ENTPD3: variants seen among roughly 807,000 people sequenced by gnomAD.
ENTPD3 encodes ectonucleoside triphosphate diphosphohydrolase 3, also known as CD39 antigen-like 3.
ENTPD3 carries 60 observed loss-of-function variants against 51.2 expected under a neutral mutation model. The observed-to-expected ratio is 1.17, with a 90% CI of 0.95 to 1.45. ENTPD3 has a LOEUF of 1.45. Among genes scored for constraint, ENTPD3 ranks in the 40% most tolerant of loss-of-function variants. ENTPD3 has a pLI of 0.00. For missense variants in ENTPD3, 593 were observed against 641.1 expected, an observed-to-expected ratio of 0.93 and a Z score of 0.81; for synonymous variants, 221 against 238.4, an observed-to-expected ratio of 0.93 and a Z score of 0.67.
intron 7 of ENTPD3, among the ~76,000 whole-genome samples, chr3:40,421,922 A>G (rs1002422820): frequency 6.6e-6 from 1 of 152,184 alleles, no homozygotes; most frequent in African/African-American, 2.4e-5. Flanking sequence ...CTGCAAGTGG[A>G]TGAGAAGGAG....
At chr3:40,420,245 T>C (rs1037545719) in intron 7 of ENTPD3, among the ~76,000 whole-genome samples, 4 of 147,248 alleles carry the variant, frequency 2.7e-5, no homozygotes, top group African/African-American at 9.8e-5. Flanking sequence ...TTTTTTCTTT[T>C]TTTTTTTGGA....
chr3:40,414,939 C>T (rs1014047821), intron 6 of ENTPD3, 99 bp downstream of exon 6: 2 of 1,197,842 alleles, frequency 1.7e-6, no homozygotes, highest in Non-Finnish European at 2.4e-6. Flanking sequence ...GGATATCTGC[C>T]CTGTATCACT....
rs751611255 is a variant in ENTPD3, at chr3:40,416,008, A to G, written c.766A>G (p.Thr256Ala). 2.3e-5 allele frequency: 37 copies of G among 1,614,088 alleles called. No individual in the cohort carries two copies. The highest frequency in any genetic ancestry group is 3.1e-5 in the Non-Finnish European group (37 of 1,180,000). The change falls in exon 7 of 11, where the codon ACA becomes GCA. Residue 256 changes from threonine to alanine, a missense_variant. Thr to Ala is a moderately conservative substitution (Grantham distance 58). Transcript: ENST00000301825. The part of the protein sequence containing the change: ...SLYGYVYTLY[T>A]HSFQCYGRNE... ...GTATGGCTACGTATACACGCTCTAC[A>G]CACACAGCTTCCAGTGCTATGGCCG...
chr3:40,398,210 TG>T (rs1431590693), intron 3 of ENTPD3, among the ~76,000 whole-genome samples: 1 of 152,104 alleles, frequency 6.6e-6, no homozygotes, highest in East Asian at 1.9e-4. Flanking sequence ...GAGTTACAAA[TG>T]AGAATGGATA....
intron 7 of ENTPD3, among the ~76,000 whole-genome samples, chr3:40,422,582 C>G (rs1254437912): frequency 6.9e-6 from 1 of 144,800 alleles, no homozygotes; most frequent in African/African-American, 2.5e-5. Flanking sequence ...TGTTCAATTC[C>G]CATCTATGAG....
intron 10 of ENTPD3, among the ~76,000 whole-genome samples, chr3:40,424,542 G>C (rs935261578): frequency 5.3e-5 from 8 of 151,996 alleles, no homozygotes; most frequent in African/African-American, 1.7e-4. Flanking sequence ...TCTTAGCTCA[G>C]GGTTTAATAT....
Position 40,415,884 on chromosome 3 carries a change from C to T in ENTPD3, c.642C>T (p.Thr214=). 1.9e-6 allele frequency: 3 copies of T among 1,614,088 alleles called. No homozygotes were observed. Among genetic ancestry groups the T allele is most frequent in the Non-Finnish European group, 2.5e-6 (3 of 1,180,002 alleles). Residue 214 remains threonine, a synonymous_variant, in exon 7 of 11, where the codon ACC becomes ACT. Coordinates refer to ENST00000301825, the MANE Select transcript of ENTPD3 (RefSeq NM_001248.4). ...HMWVHPHGVE[T]TGALDLGGAS... ...GGGTGCACCCGCATGGAGTGGAAACCACGGGTGCCCTGGACTTAGGTGGTG... is the reference window on the plus strand; with the variant it reads ...GGGTGCACCCGCATGGAGTGGAAACTACGGGTGCCCTGGACTTAGGTGGTG...
chr3:40,412,373 T>C (rs763670942), intron 5 of ENTPD3, among the ~76,000 whole-genome samples: 2 of 152,228 alleles, frequency 1.3e-5, no homozygotes, highest in Non-Finnish European at 2.9e-5. Context: ...CACTGAAATC[T>C]GCTTTAAAAC....
intron 4 of ENTPD3, among the ~76,000 whole-genome samples, chr3:40,411,135 C>T (rs531309994): frequency 6.6e-6 from 1 of 151,322 alleles, no homozygotes; most frequent in East Asian, 1.9e-4. Context: ...TATAAAAAAA[C>T]CAAAAATTAG....
chr3:40,402,117 T>TA (rs1955373248), intron 4 of ENTPD3, among the ~76,000 whole-genome samples: 1 of 58,622 alleles, frequency 1.7e-5, no homozygotes, highest in East Asian at 3.8e-4. Context: ...TTTCCTTTTT[T>TA]TTTTTCTTTT....
At chr3:40,411,683 C>T in intron 4 of ENTPD3, 129 bp from the exon 5 acceptor site, 2 of 792,448 alleles carry the variant, frequency 2.5e-6, no homozygotes, top group Non-Finnish European at 3.9e-6. Flanking sequence ...GGACTTACCA[C>T]ATCCAGCTGT....
chr3:40,425,936 C>T (rs924634262), intron 10 of ENTPD3, among the ~76,000 whole-genome samples: 11 of 147,498 alleles, frequency 7.5e-5, no homozygotes, highest in East Asian at 2.0e-4. Context: ...AAACAGAAAA[C>T]GAACACTAAA....
chr3:40,409,879 GA>G (rs900624335), intron 4 of ENTPD3, among the ~76,000 whole-genome samples: 1 of 150,070 alleles, frequency 6.7e-6, no homozygotes, highest in Non-Finnish European at 1.5e-5. Flanking sequence ...TGAATGCAAA[GA>G]AAAAAAAAGT....
At chr3:40,424,899 AGTCATCT>A in intron 10 of ENTPD3, 4 of 656,212 alleles carry the variant, frequency 6.1e-6, no homozygotes, top group Admixed American at 2.1e-5. Context: ...AATAAAATTG[AGTCATCT>A]ACAAAAAAAT....
chr3:40,405,881 T>C (rs1038922894), intron 4 of ENTPD3, among the ~76,000 whole-genome samples: 1 of 152,186 alleles, frequency 6.6e-6, no homozygotes, highest in Non-Finnish European at 1.5e-5. Context: ...CAGAGATGTA[T>C]AGTGGTTTGA....
Position 40,390,712 on chromosome 3 carries a change from T to C in ENTPD3, c.41-1311T>C, listed in dbSNP as rs570927752. On this transcript the variant is annotated intron_variant, in intron 2 of 10. Transcript: ENST00000301825. ...TTATACCTAAGACACTGATTTGCTT[T>C]CATTTTCAAGTTTTCTCCAAAGGAC... Among the ~76,000 whole-genome samples the C allele has an allele frequency of 5.3e-5, 8 of 152,192 alleles. No individual in the cohort carries two copies. In the South Asian group the frequency reaches 1.5e-3, roughly 28 times the overall value.
At chr3:40,393,419 T>A (rs1396530365) in intron 3 of ENTPD3, among the ~76,000 whole-genome samples, 1 of 152,184 alleles carries the variant, frequency 6.6e-6, no homozygotes, top group Non-Finnish European at 1.5e-5. Context: ...CTTTTCCATA[T>A]CTTCCTGCTG....
chr3:40,395,767 C>A (rs969162015), intron 3 of ENTPD3, among the ~76,000 whole-genome samples: 6 of 152,252 alleles, frequency 3.9e-5, no homozygotes, highest in Admixed American at 2.6e-4. Context: ...TAGACTCGGG[C>A]CACTAGTTAA....
At chr3:40,427,188 G>A in intron 10 of ENTPD3, 84 bp from the exon 11 acceptor site, 1 of 1,109,526 alleles carries the variant, frequency 9.0e-7, no homozygotes, top group Non-Finnish European at 1.4e-6. Flanking sequence ...GGAGCTTTGT[G>A]AGGTTGATAG....
Sources: allele counts gnomAD v4.1 joint callset (sites outside exome capture counted in the v4.1 genomes callset), GRCh38; gene constraint gnomAD v4.1.1; transcripts MANE v1.5; gene names NCBI Gene and HGNC (gene_info 2026-07-23, HGNC 2026-07-21).